ADAR: variants seen among roughly 807,000 people sequenced by gnomAD.
ADAR encodes the protein double-stranded RNA-specific adenosine deaminase.
Under a neutral mutation model 113.2 loss-of-function variants are expected in ADAR, and 41 were observed. The ratio of observed to expected loss-of-function variants is 0.36; its 90% CI spans 0.28 to 0.47. The LOEUF (loss-of-function observed/expected upper bound fraction) is 0.47, where lower values mean the gene tolerates loss of function less well. Ranked by LOEUF, ADAR falls within the 20% of genes least tolerant of loss-of-function variation. The pLI, the probability that ADAR is intolerant of heterozygous loss-of-function variation, is 1.00. For missense variants in ADAR, 1,242 were observed against 1,540.9 expected, an observed-to-expected ratio of 0.81 and a Z score of 3.25; for synonymous variants, 605 against 572.6, an observed-to-expected ratio of 1.06 and a Z score of -0.81.
Position 154,601,937 on chromosome 1 carries a change from T to C in ADAR, c.705A>G (p.Thr235=), listed in dbSNP as rs1697907970. Residue 235 remains threonine (T), a synonymous_variant, in exon 2 of 15, where the codon ACA becomes ACG. Coordinates refer to ENST00000368474, the MANE Select transcript of ADAR (RefSeq NM_001111.5). This position sits in a 1 kb window ranked among gnomAD's most constrained non-coding sequence, Gnocchi z 4.7. ...PSLEPEDRNS[T]SVSEDLLEPF... ...GCTCAAGAAGATCTTCTGAGACAGA[T>C]GTGGAGTTTCTGTCTTCCGGTTCCA... 1 of 1,614,000 alleles carries C rather than the reference T, an allele frequency of 6.2e-7. No individual in the cohort carries two copies. Among genetic ancestry groups the C allele is most frequent in the South Asian group, 1.1e-5 (1 of 91,068 alleles).
At chr1:154,590,138 A>AGGGGGGGGGGGGGGGG in intron 7 of ADAR, 46 bp downstream of exon 7, 7 of 1,173,762 alleles carry the variant, frequency 6.0e-6, no homozygotes, top group East Asian at 2.5e-5. Context: ...AGGAGTTAGG[A>AGGGGGGGGGGGGGGGG]GGACCCCCCC....
chr1:154,597,226 C>G lies in ADAR; in HGVS notation c.1976G>C (p.Ser659Thr). 2 of 1,614,190 alleles carry G rather than the reference C, an allele frequency of 1.2e-6. No individual in the cohort carries two copies. Among genetic ancestry groups the G allele is most frequent in the South Asian group, 1.1e-5 (1 of 91,084 alleles). Residue 659 changes from serine (S) to threonine (T), a missense_variant, in exon 5 of 15, where the codon AGT (serine) becomes ACT (threonine). By Grantham distance (58) the Ser-to-Thr change is moderately conservative (BLOSUM62 1). This residue lies in a region of ADAR where 780 missense variants were observed against 1,057.9 expected (regional missense o/e 0.74). Coordinates refer to ENST00000368474, the MANE Select transcript of ADAR (RefSeq NM_001111.5). ...CVAVGAQTFPSVSAPSKKVAK... is the reference protein window; with the variant it reads ...CVAVGAQTFPTVSAPSKKVAK... ...CACTTTCTTGCTGGGAGCACTCACACTGGGGAAAGTTTGGGCTCCCACTGC... is the reference window on the plus strand; with the variant it reads ...CACTTTCTTGCTGGGAGCACTCACAGTGGGGAAAGTTTGGGCTCCCACTGC...
At position 154,584,724 on chromosome 1, in the gene ADAR, G is replaced by A; in HGVS notation, c.*82C>T. ...AAAAAAGGAGAAAAAAAAATCCCCT[G>A]ACCATGTGATGAGGAATGCTACGAC... On this transcript the variant is annotated 3_prime_UTR_variant, in exon 15 of 15. Transcript: ENST00000368474. 8.2e-7 allele frequency: 1 copy of A among 1,216,710 alleles called. No homozygotes were observed. The highest frequency in any genetic ancestry group is 2.4e-5 in the East Asian group (1 of 42,542). 75.4% of individuals were successfully genotyped at this position (1,216,710 alleles called of 1,614,324 possible). A position where few individuals can be genotyped will look rare whatever the true frequency, so the allele number is the denominator to read the frequency against.
At chr1:154,614,283 C>G (rs73001420) in intron 1 of ADAR, among the ~76,000 whole-genome samples, 11,218 of 152,254 alleles carry the variant, frequency 0.074, 474 homozygotes, top group East Asian at 0.2. Flanking sequence ...CTAGATTGTT[C>G]TTGGATGCAG....
chr1:154,595,379 C>A (rs1239537705), intron 6 of ADAR, among the ~76,000 whole-genome samples: 1 of 152,162 alleles, frequency 6.6e-6, no homozygotes, highest in East Asian at 1.9e-4. Flanking sequence ...TGCCCCTGAA[C>A]ACCTTACAGT....
chr1:154,592,378 A>G (rs1429502375), intron 6 of ADAR, among the ~76,000 whole-genome samples: 3 of 152,216 alleles, frequency 2.0e-5, no homozygotes, highest in Admixed American at 1.3e-4. Context: ...ACATTTCTTT[A>G]GGTGACTATT....
rs1404848965 is a variant in ADAR at position 154,601,554 on chromosome 1, A to G, written c.1088T>C (p.Met363Thr). 9 of 1,612,632 alleles carry G rather than the reference A, an allele frequency of 5.6e-6. No homozygotes were observed. The highest frequency in any genetic ancestry group is 7.6e-6 in the Non-Finnish European group (9 of 1,180,014). The change falls in exon 2 of 15, where the codon ATG becomes ACG. Residue 363 changes from methionine to threonine, a missense_variant. Physicochemically the swap from Met to Thr is moderately conservative, Grantham distance 81. This residue lies in a region of ADAR where 462 missense variants were observed against 483.1 expected (regional missense o/e 0.96). Coordinates refer to ENST00000368474, the MANE Select transcript of ADAR (RefSeq NM_001111.5). The surrounding 1 kb of genome is among the most constrained non-coding windows in gnomAD (Gnocchi z 4.7). ...WHLTDKKRER[M>T]QIKRNTNSVP... ...ACTGTTCGTATTTCTCTTGATTTGC[A>G]TCCTCTCTCGCTTCTTGTCTGTCAA... is the stretch of plus-strand genomic sequence containing the variant.
At chr1:154,614,702 T>TA (rs1698584950) in intron 1 of ADAR, among the ~76,000 whole-genome samples, 1 of 152,234 alleles carries the variant, frequency 6.6e-6, no homozygotes, top group Admixed American at 6.5e-5. Context: ...TCCCTAGTCT[T>TA]AATTGACCAG....
In ADAR at chr1:154,587,272, A is replaced by C. The variant is rs1024246650; in HGVS notation, c.3019+853T>G. Among the ~76,000 whole-genome samples, 24 of 152,250 alleles carry C rather than the reference A, an allele frequency of 1.6e-4. No individual in the cohort carries two copies. In the Middle Eastern group the frequency reaches 0.01, roughly 65 times the overall value. ...TGATCTTTTGTGACTGGCTTTTTTC[A>C]TTTGGCATCAAGTTTTCAAGTGCAT... On this transcript the variant is annotated intron_variant, in intron 11 of 14. Coordinates refer to ENST00000368474, the MANE Select transcript of ADAR (RefSeq NM_001111.5).
Position 154,615,811 on chromosome 1 carries a change from T to C in ADAR, c.-871+12044A>G, listed in dbSNP as rs1014716788. 2.9e-4 allele frequency among the ~76,000 whole-genome samples: 44 copies of C among 152,212 alleles called. 1 individual carries two copies. The highest frequency in any genetic ancestry group is 4.1e-4 in the Non-Finnish European group (28 of 68,036). On this transcript the variant is annotated intron_variant, in intron 1 of 14. Transcript: ENST00000368471. ...CTGATTTTATTTTTTTCTAGGAAGA[T>C]ACCATTAATTTATATTTTTAAAATG...
In ADAR at chr1:154,608,060, G is replaced by A. The variant is rs1048693621; in HGVS notation, c.-54C>T. ...CCCGCCGGCGGCACGACCCTGGCCC[G>A]ACCGCTGGGCCGCGCCAGCCCCTCG... On this transcript the variant is annotated 5_prime_UTR_variant, in exon 1 of 15. Transcript: ENST00000368474. The A allele has an allele frequency of 3.3e-6, 5 of 1,534,644 alleles. No homozygotes were observed. The highest frequency in any genetic ancestry group is 4.4e-6 in the Non-Finnish European group (5 of 1,140,140).
chr1:154,587,749 G>T (rs1386492159), intron 11 of ADAR, among the ~76,000 whole-genome samples: 2 of 152,128 alleles, frequency 1.3e-5, no homozygotes, highest in African/African-American at 4.8e-5. Context: ...AACTCCTCAG[G>T]GCTTGGTTGT....
intron 7 of ADAR, 44 bp downstream of exon 7, chr1:154,590,140 G>GGGGGCCC: frequency 7.3e-7 from 1 of 1,373,184 alleles, no homozygotes; most frequent in Non-Finnish European, 1.0e-6. Flanking sequence ...GAGTTAGGAG[G>GGGGGCCC]ACCCCCCCGC....
At position 154,602,166 on chromosome 1, in the gene ADAR, T is replaced by C; in HGVS notation, c.476A>G (p.His159Arg). The change falls in exon 2 of 15, where the codon CAT (histidine) becomes CGT (arginine). Residue 159 changes from histidine (H) to arginine (R), a missense_variant. Physicochemically the swap from His to Arg is conservative, Grantham distance 29 (BLOSUM62 0). This residue lies in a region of ADAR where 462 missense variants were observed against 483.1 expected (regional missense o/e 0.96). Coordinates refer to ENST00000368474, the MANE Select transcript of ADAR (RefSeq NM_001111.5). ...AGTCCCAAGTTTCCCAGACAGATCA[T>C]GTGCTGTGGTGGCCTTCCCTTCCCC... ...ELGEGKATTA[H>R]DLSGKLGTPK... 1.2e-6 allele frequency: 2 copies of C among 1,614,228 alleles called. No individual in the cohort carries two copies. The highest frequency in any genetic ancestry group is 1.7e-6 in the Non-Finnish European group (2 of 1,180,034).
intron 1 of ADAR, among the ~76,000 whole-genome samples, chr1:154,603,149 C>T (rs1375068846): frequency 6.6e-6 from 1 of 152,190 alleles, no homozygotes; most frequent in Non-Finnish European, 1.5e-5. Context: ...GCCCACCTGT[C>T]TCTAAGATCT....
intron 6 of ADAR, among the ~76,000 whole-genome samples, chr1:154,596,420 T>C (rs1018601138): frequency 6.6e-6 from 1 of 152,122 alleles, no homozygotes; most frequent in Non-Finnish European, 1.5e-5. Flanking sequence ...TTTGTATTTT[T>C]AGTAGAGACA....
upstream of ADAR, chr1:154,608,677 GCTC>G (rs1698361173): frequency 6.6e-6 from 1 of 152,278 alleles, no homozygotes; most frequent in East Asian, 1.9e-4. Flanking sequence ...TCAGTACTGA[GCTC>G]CTAATTCCCC....
At chr1:154,609,393 C>T (rs1557898650), upstream of ADAR, among the ~76,000 whole-genome samples, 1 of 152,194 alleles carries the variant, frequency 6.6e-6, no homozygotes, top group Non-Finnish European at 1.5e-5. Context: ...ATTTTACCCC[C>T]ATGCTTATGA....
intron 13 of ADAR, 158 bp downstream of exon 13, chr1:154,585,595 C>A: frequency 1.1e-6 from 1 of 873,294 alleles, no homozygotes; most frequent in Non-Finnish European, 1.8e-6. Context: ...CTTGGGAGAC[C>A]AACCAATGTT....
Sources: gnomAD v4.1 joint callset for allele counts (sites outside exome capture counted in the v4.1 genomes callset) on GRCh38, gnomAD v4.1.1 for gene constraint, gnomAD v4.1.1 regional missense constraint, Gnocchi (gnomAD v3.1) non-coding constraint, MANE v1.5 for transcripts, NCBI Gene and HGNC (gene_info 2026-07-23, HGNC 2026-07-21) for gene names.